OXR1: variants seen among roughly 807,000 people sequenced by gnomAD.
OXR1 encodes the protein oxidation resistance protein 1.
Under a neutral mutation model 104.6 loss-of-function variants are expected in OXR1, and 41 were observed. The ratio of observed to expected loss-of-function variants is 0.39; its 90% CI spans 0.31 to 0.51. The LOEUF (loss-of-function observed/expected upper bound fraction) is 0.51. OXR1 is among the 20% of genes least tolerant of loss of function. The probability of loss-of-function intolerance (pLI) is 0.77; values close to 1 mark genes in which losing one functional copy is unlikely to be tolerated. For missense variants in OXR1, 955 were observed against 1,031.9 expected, an observed-to-expected ratio of 0.93 and a Z score of 1.02; for synonymous variants, 348 against 348.4, an observed-to-expected ratio of 1.00 and a Z score of 0.01.
At chr8:106,733,213 T>A (rs570670824) in intron 11 of OXR1, among the ~76,000 whole-genome samples, 44 of 152,264 alleles carry the variant, frequency 2.9e-4, no homozygotes, top group African/African-American at 9.9e-4. Flanking sequence ...TGGTGGTTTG[T>A]GTCTTTCAAG....
At chr8:106,670,051 G>A (rs1826776915) in intron 3 of OXR1, among the ~76,000 whole-genome samples, 1 of 152,116 alleles carries the variant, frequency 6.6e-6, no homozygotes, top group African/African-American at 2.4e-5. Flanking sequence ...TTTTACCCCA[G>A]GGGTAGTGTT....
intron 3 of OXR1, among the ~76,000 whole-genome samples, chr8:106,646,305 CTA>C (rs34092609): frequency 0.029 from 4,345 of 152,032 alleles, 85 homozygotes; most frequent in Admixed American, 0.052. Flanking sequence ...TTGGTTTTCG[CTA>C]TGTTGGCCAG....
chr8:106,577,692 A>G (rs1281673140), intron 3 of OXR1, among the ~76,000 whole-genome samples: 1 of 151,974 alleles, frequency 6.6e-6, no homozygotes, highest in Non-Finnish European at 1.5e-5. Flanking sequence ...GCCCGGCCAA[A>G]GCTACCCTTT....
intron 2 of OXR1, among the ~76,000 whole-genome samples, chr8:106,403,753 T>C (rs964633582): frequency 6.6e-6 from 1 of 152,218 alleles, no homozygotes; most frequent in Non-Finnish European, 1.5e-5. Flanking sequence ...AGTTTGGCCT[T>C]TTCCAACTTT....
chr8:106,468,443 A>T (rs1253251213), intron 2 of OXR1, among the ~76,000 whole-genome samples: 1 of 151,830 alleles, frequency 6.6e-6, no homozygotes, highest in African/African-American at 2.4e-5. Flanking sequence ...ACACTTCAGG[A>T]TGAGTAAGTA....
At chr8:106,728,617 A>T (rs558324957) in intron 11 of OXR1, among the ~76,000 whole-genome samples, 4 of 152,310 alleles carry the variant, frequency 2.6e-5, no homozygotes, top group African/African-American at 7.2e-5. Context: ...AAGCATGCTT[A>T]AGTTTTGTTA....
intron 3 of OXR1, among the ~76,000 whole-genome samples, chr8:106,522,013 T>C (rs183725791): frequency 1.3e-5 from 2 of 152,290 alleles, no homozygotes; most frequent in Non-Finnish European, 2.9e-5. Flanking sequence ...GCCAAGTAAG[T>C]GCATTTAAAT....
At chr8:106,364,304 G>C (rs955763806) in intron 2 of OXR1, among the ~76,000 whole-genome samples, 3 of 152,076 alleles carry the variant, frequency 2.0e-5, no homozygotes, top group African/African-American at 7.2e-5. Context: ...TTTAGGCTGG[G>C]TGCAGTGGCT....
At chr8:106,735,681 T>G (rs1834304071) in intron 11 of OXR1, among the ~76,000 whole-genome samples, 1 of 152,100 alleles carries the variant, frequency 6.6e-6, no homozygotes, top group Non-Finnish European at 1.5e-5. Context: ...AAAATATAAT[T>G]GGCCATTAAA....
chr8:106,650,722 A>G (rs1482405113), intron 3 of OXR1, among the ~76,000 whole-genome samples: 1 of 152,236 alleles, frequency 6.6e-6, no homozygotes, highest in Non-Finnish European at 1.5e-5. Flanking sequence ...CTAGGTTCTT[A>G]TATATACTAA....
chr8:106,360,355 G>T (rs910496834), intron 2 of OXR1, among the ~76,000 whole-genome samples: 2 of 152,108 alleles, frequency 1.3e-5, no homozygotes, highest in Admixed American at 6.5e-5. Flanking sequence ...TTCAATACAT[G>T]AATATAAGGA....
intron 1 of OXR1, among the ~76,000 whole-genome samples, chr8:106,355,357 G>A (rs1281587008): frequency 6.6e-6 from 1 of 152,024 alleles, no homozygotes; most frequent in Non-Finnish European, 1.5e-5. Flanking sequence ...AGATTTTAAA[G>A]ATGTTTTCTC....
chr8:106,383,059 G>T (rs1366261860), intron 2 of OXR1, among the ~76,000 whole-genome samples: 1 of 151,880 alleles, frequency 6.6e-6, no homozygotes, highest in East Asian at 1.9e-4. Context: ...AAGAATATGA[G>T]AAAGGAAAGA....
intron 3 of OXR1, among the ~76,000 whole-genome samples, chr8:106,666,338 G>T (rs1282420540): frequency 3.3e-5 from 5 of 152,192 alleles, no homozygotes; most frequent in Non-Finnish European, 7.3e-5. Context: ...GGCAAATATG[G>T]CTATTGAGTA....
At chr8:106,668,342 A>G (rs1826567557) in intron 3 of OXR1, among the ~76,000 whole-genome samples, 1 of 152,158 alleles carries the variant, frequency 6.6e-6, no homozygotes, top group Non-Finnish European at 1.5e-5. Context: ...CCCCTAGTAG[A>G]TGATTTGCTT....
In OXR1 at chr8:106,752,368, G is replaced by A. The variant is rs1156483759; in HGVS notation, c.*1427G>A. 6.6e-6 allele frequency: 1 copy of A among 152,440 alleles called. No homozygotes were observed. The highest frequency in any genetic ancestry group is 1.9e-4 in the East Asian group (1 of 5,204). 9.4% of individuals were successfully genotyped at this position (152,440 alleles called of 1,614,324 possible). On this transcript the variant is annotated 3_prime_UTR_variant, in exon 17 of 17. Coordinates refer to ENST00000517566, the MANE Select transcript of OXR1 (RefSeq NM_001198533.2). ...ACTTACATATTTAGTTCTTTTGAAA[G>A]TTTAGATAATTATTTAAAGAAAGCA... is the stretch of plus-strand genomic sequence containing the variant.
chr8:106,668,393 C>T (rs991395721), intron 3 of OXR1, among the ~76,000 whole-genome samples: 4 of 152,144 alleles, frequency 2.6e-5, no homozygotes, highest in African/African-American at 9.7e-5. Context: ...AGCTCCCAAG[C>T]ATAATAATTT....
intron 1 of OXR1, among the ~76,000 whole-genome samples, chr8:106,283,493 G>C (rs530822646): frequency 6.6e-6 from 1 of 152,254 alleles, no homozygotes; most frequent in East Asian, 1.9e-4. Flanking sequence ...GGCAGGCTGG[G>C]TATGACTTAA....
At chr8:106,704,987 T>G (rs935165791) in intron 8 of OXR1, among the ~76,000 whole-genome samples, 2 of 152,222 alleles carry the variant, frequency 1.3e-5, no homozygotes, top group African/African-American at 4.8e-5. Flanking sequence ...GCTTTTCTTC[T>G]GTCTTATGCT....
Sources: gnomAD v4.1 joint callset for allele counts (sites outside exome capture counted in the v4.1 genomes callset) on GRCh38, gnomAD v4.1.1 for gene constraint, MANE v1.5 for transcripts, NCBI Gene and HGNC (gene_info 2026-07-23, HGNC 2026-07-21) for gene names.